BABAM2: variants seen among roughly 807,000 people sequenced by gnomAD.
BABAM2 encodes BRISC and BRCA1 A complex member 2, also known as BRISC and BRCA1-A complex member 2.
Under a neutral mutation model 54.7 loss-of-function variants are expected in BABAM2, and 31 were observed. That is an observed-to-expected ratio of 0.57 (90% confidence interval 0.43 to 0.77). The LOEUF (loss-of-function observed/expected upper bound fraction) is 0.77, where lower values mean the gene tolerates loss of function less well. BABAM2 is among the 30% of genes least tolerant of loss of function. The probability of loss-of-function intolerance (pLI) is 0.00; values close to 1 mark genes in which losing one functional copy is unlikely to be tolerated. For synonymous variants in BABAM2, 167 were observed against 162.9 expected (o/e 1.03, Z -0.19); for missense variants, 364 against 455.8 (o/e 0.80, Z 1.83).
chr2:28,293,924 C>T (rs1687485775), intron 10 of BABAM2, among the ~76,000 whole-genome samples: 2 of 152,074 alleles, frequency 1.3e-5, no homozygotes, highest in Admixed American at 1.3e-4. Flanking sequence ...TAAACAGGTG[C>T]AGACCATCCC....
intron 7 of BABAM2, among the ~76,000 whole-genome samples, chr2:28,166,288 G>A (rs1471642914): frequency 6.6e-6 from 1 of 152,194 alleles, no homozygotes; most frequent in Non-Finnish European, 1.5e-5. Context: ...CTGGCTTGGA[G>A]AGAAGAGTAA....
At chr2:28,310,210 G>A in intron 11 of BABAM2, 1 of 1,562,700 alleles carries the variant, frequency 6.4e-7, no homozygotes, top group Non-Finnish European at 8.8e-7. Context: ...GAAATGATAA[G>A]CTCCATTGAA....
chr2:28,047,753 A>G (rs1677698285), intron 6 of BABAM2, among the ~76,000 whole-genome samples: 2 of 152,246 alleles, frequency 1.3e-5, no homozygotes, highest in African/African-American at 4.8e-5. Flanking sequence ...AAATATCTAC[A>G]TTGCAACACT....
chr2:28,061,590 A>C (rs1260220320), intron 6 of BABAM2, among the ~76,000 whole-genome samples: 1 of 150,762 alleles, frequency 6.6e-6, no homozygotes, highest in Non-Finnish European at 1.5e-5. Context: ...GTCTCAAAAA[A>C]AAAAAAAAAA....
At chr2:27,989,604 G>T (rs537144016) in intron 4 of BABAM2, among the ~76,000 whole-genome samples, 1 of 152,234 alleles carries the variant, frequency 6.6e-6, no homozygotes, top group South Asian at 2.1e-4. Flanking sequence ...GCTGGGCTAG[G>T]AGCCATTGAA....
chr2:27,899,476 G>GTTTT (rs10710226), intron 2 of BABAM2, among the ~76,000 whole-genome samples: 1 of 144,422 alleles, frequency 6.9e-6, no homozygotes, highest in Non-Finnish European at 1.5e-5. Flanking sequence ...TAGTCCTAGT[G>GTTTT]TTTTTTTTTT....
chr2:28,334,987 C>T (rs996182556), intron 11 of BABAM2, among the ~76,000 whole-genome samples: 1 of 152,066 alleles, frequency 6.6e-6, no homozygotes, highest in African/African-American at 2.4e-5. Context: ...GAGAAGGTGG[C>T]GGTTTGGCTG....
At chr2:28,181,203 C>G (rs1212136884) in intron 7 of BABAM2, among the ~76,000 whole-genome samples, 1 of 152,194 alleles carries the variant, frequency 6.6e-6, no homozygotes, top group South Asian at 2.1e-4. Context: ...GTACTATTTA[C>G]AGTAACAAAG....
At chr2:27,891,686 T>C (rs1664859386) in intron 1 of BABAM2, among the ~76,000 whole-genome samples, 1 of 147,662 alleles carries the variant, frequency 6.8e-6, no homozygotes, top group African/African-American at 2.5e-5. Context: ...GTCATTGTGT[T>C]CCACTCCCCA....
intron 10 of BABAM2, among the ~76,000 whole-genome samples, chr2:28,248,922 C>T (rs575431955): frequency 5.3e-5 from 8 of 151,944 alleles, no homozygotes; most frequent in African/African-American, 1.2e-4. Flanking sequence ...CAGTACTATG[C>T]GAGGTATTAG....
At chr2:28,137,305 C>T (rs1255449726) in intron 7 of BABAM2, among the ~76,000 whole-genome samples, 1 of 151,922 alleles carries the variant, frequency 6.6e-6, no homozygotes, top group Non-Finnish European at 1.5e-5. Context: ...TTTCTTTAGT[C>T]CTTTGATAAA....
chr2:28,104,016 T>C (rs1667296012), intron 6 of BABAM2, among the ~76,000 whole-genome samples: 1 of 152,228 alleles, frequency 6.6e-6, no homozygotes, highest in Admixed American at 6.5e-5. Context: ...GGCACATTTG[T>C]AAATCTTTAG....
At chr2:28,144,424 G>A (rs1245402269) in intron 7 of BABAM2, among the ~76,000 whole-genome samples, 8 of 152,060 alleles carry the variant, frequency 5.3e-5, no homozygotes, top group Non-Finnish European at 1.2e-4. Flanking sequence ...TTCTCTCAGG[G>A]GTCAGCTCTA....
chr2:27,977,262 G>A (rs1047127072), intron 3 of BABAM2, among the ~76,000 whole-genome samples: 4 of 152,068 alleles, frequency 2.6e-5, no homozygotes, highest in Non-Finnish European at 5.9e-5. Flanking sequence ...ATTGTTTATT[G>A]TTTATAAATT....
At chr2:28,314,231 C>T (rs1047858656) in intron 11 of BABAM2, among the ~76,000 whole-genome samples, 5 of 152,108 alleles carry the variant, frequency 3.3e-5, no homozygotes, top group South Asian at 4.1e-4. Flanking sequence ...CTGTAATTCT[C>T]GTAACAACCT....
intron 7 of BABAM2, among the ~76,000 whole-genome samples, chr2:28,205,413 G>A (rs1032789326): frequency 4.8e-5 from 7 of 146,746 alleles, no homozygotes; most frequent in African/African-American, 1.7e-4. Flanking sequence ...TGAGGCAGAA[G>A]GATCACTTGA....
intron 2 of BABAM2, among the ~76,000 whole-genome samples, chr2:27,904,008 A>T (rs1445090551): frequency 6.6e-6 from 1 of 152,188 alleles, no homozygotes; most frequent in East Asian, 1.9e-4. Flanking sequence ...GATTACTTGA[A>T]GTCAAGCACT....
At chr2:27,920,136 CCTG>C (rs1667246181) in intron 2 of BABAM2, among the ~76,000 whole-genome samples, 1 of 152,118 alleles carries the variant, frequency 6.6e-6, no homozygotes, top group Non-Finnish European at 1.5e-5. Flanking sequence ...GCCCCATTCC[CCTG>C]AAAATCAACC....
At chr2:28,133,369 A>C (rs1670252087) in intron 7 of BABAM2, among the ~76,000 whole-genome samples, 1 of 152,200 alleles carries the variant, frequency 6.6e-6, no homozygotes, top group Admixed American at 6.5e-5. Context: ...TTCTTTCAGG[A>C]GTCATGGGAA....
Sources: gnomAD v4.1 joint callset for allele counts (sites outside exome capture counted in the v4.1 genomes callset) on GRCh38, gnomAD v4.1.1 for gene constraint, MANE v1.5 for transcripts, NCBI Gene and HGNC (gene_info 2026-07-23, HGNC 2026-07-21) for gene names.